Variants in CNTN5 observed in about 807,000 individuals in gnomAD.
The protein encoded by CNTN5 is contactin 5.
In CNTN5, 77 loss-of-function variants were observed where a neutral mutation model predicts 129.1. The observed-to-expected ratio is 0.60, with a 90% CI of 0.50 to 0.72. The LOEUF (loss-of-function observed/expected upper bound fraction) is 0.72. Ranked by LOEUF, CNTN5 falls within the 30% of genes least tolerant of loss-of-function variation. The probability of loss-of-function intolerance (pLI) is 0.00; values close to 1 mark genes in which losing one functional copy is unlikely to be tolerated. For synonymous variants in CNTN5, 509 were observed against 465.6 expected (o/e 1.09, Z -1.20); for missense variants, 1,478 against 1,328.8 (o/e 1.11, Z -1.75).
intron 2 of CNTN5, among the ~76,000 whole-genome samples, chr11:99,547,274 G>A (rs1948330569): frequency 6.6e-6 from 1 of 152,154 alleles, no homozygotes. Flanking sequence ...CAAGTGCTGG[G>A]ATTACAGGCG....
intron 8 of CNTN5, among the ~76,000 whole-genome samples, chr11:99,999,819 ACG>A (rs1221817505): frequency 6.6e-6 from 1 of 152,040 alleles, no homozygotes; most frequent in African/African-American, 2.4e-5. Flanking sequence ...ATGGAATACT[ACG>A]CAGCCATAAA....
At position 100,061,352 on chromosome 11, in the gene CNTN5, C is replaced by A; in HGVS notation, c.1121C>A (p.Ser374Ter). ...ATTTATGAGTGCAGAGCTGAAAACTCACGTGGAAAAAATTCCTTTCGTGGA... is the reference window on the plus strand; with the variant it reads ...ATTTATGAGTGCAGAGCTGAAAACTAACGTGGAAAAAATTCCTTTCGTGGA... Reference protein sequence around the residue: ...AGIYECRAENSRGKNSFRGQL... With the variant: ...AGIYECRAEN Residue 374 changes from serine (S) to a stop codon, truncating the protein, a stop_gained, in exon 10 of 25, where the codon TCA (serine) becomes TAA (stop). Coordinates refer to ENST00000524871, the MANE Select transcript of CNTN5 (RefSeq NM_014361.4). LOFTEE classifies it high-confidence loss of function. 1.2e-6 allele frequency: 2 copies of A among 1,600,782 alleles called. No homozygotes were observed. The highest frequency in any genetic ancestry group is 1.7e-6 in the Non-Finnish European group (2 of 1,170,276).
In CNTN5 at chr11:99,481,892, G is replaced by T. The variant is rs74930562; in HGVS notation, c.-70-74253G>T. 4.6e-3 allele frequency among the ~76,000 whole-genome samples: 700 copies of T among 152,274 alleles called. 8 individuals are homozygous for T. The highest frequency in any genetic ancestry group is 0.016 in the African/African-American group (662 of 41,558). ...GTTATATTTCTATATCTCCTTGGAG[G>T]TGATTGTTTAGGGAAGAGATGATAT... On this transcript the variant is annotated intron_variant, in intron 2 of 24. Coordinates refer to ENST00000524871, the MANE Select transcript of CNTN5 (RefSeq NM_014361.4).
Position 99,636,986 on chromosome 11 carries a change from C to G in CNTN5, c.55+80717C>G, listed in dbSNP as rs1216288483. ...GAAGATCATGCCACTGCACTCCAGC[C>G]TGGTGACAGAGCTAACTTTGTCTCA... is the stretch of plus-strand genomic sequence containing the variant. On this transcript the variant is annotated intron_variant, in intron 3 of 24. Transcript: ENST00000524871. 1.2e-4 allele frequency among the ~76,000 whole-genome samples: 5 copies of G among 40,036 alleles called. 2 individuals carry two copies. The highest frequency in any genetic ancestry group is 2.9e-4 in the Non-Finnish European group (5 of 17,000). 26.3% of individuals were successfully genotyped at this position (40,036 alleles called of 152,430 possible). A position where few individuals can be genotyped will look rare whatever the true frequency, so the allele number is the denominator to read the frequency against.
At chr11:99,557,473 C>A (rs2135541254) in intron 3 of CNTN5, among the ~76,000 whole-genome samples, 2 of 151,448 alleles carry the variant, frequency 1.3e-5, no homozygotes, top group African/African-American at 4.8e-5. Context: ...TAAACACATT[C>A]TCCTGTCAAT....
chr11:100,195,526 G>A (rs1031296558), intron 15 of CNTN5, among the ~76,000 whole-genome samples: 27 of 151,780 alleles, frequency 1.8e-4, no homozygotes, highest in African/African-American at 6.3e-4. Flanking sequence ...CTTATTCCAC[G>A]CAAACCCATA....
intron 21 of CNTN5, among the ~76,000 whole-genome samples, chr11:100,313,542 T>A (rs1951515688): frequency 6.6e-6 from 1 of 152,028 alleles, no homozygotes; most frequent in Non-Finnish European, 1.5e-5. Flanking sequence ...TTTTGATGCC[T>A]ATTAGAGGCA....
At chr11:99,972,210 G>A (rs908738917) in intron 8 of CNTN5, among the ~76,000 whole-genome samples, 1 of 151,916 alleles carries the variant, frequency 6.6e-6, no homozygotes, top group Admixed American at 6.6e-5. Context: ...GCCGTGAGCC[G>A]AGATTGCGCC....
intron 1 of CNTN5, among the ~76,000 whole-genome samples, chr11:99,075,522 A>T (rs1004592662): frequency 6.6e-6 from 1 of 152,218 alleles, no homozygotes; most frequent in Non-Finnish European, 1.5e-5. Flanking sequence ...ATTAGAAACA[A>T]CATTTCAACC....
intron 3 of CNTN5, among the ~76,000 whole-genome samples, chr11:99,658,143 CAAAAGCAAA>C (rs1260981338): frequency 6.6e-5 from 10 of 151,762 alleles, no homozygotes; most frequent in Non-Finnish European, 1.5e-4. Context: ...TGTGCAAACA[CAAAAGCAAA>C]ACAAAAAAAA....
chr11:99,838,178 T>A (rs1440465477), intron 4 of CNTN5, among the ~76,000 whole-genome samples: 1 of 152,112 alleles, frequency 6.6e-6, no homozygotes, highest in Non-Finnish European at 1.5e-5. Context: ...CAGACAATAA[T>A]CTGTTATGAC....
intron 7 of CNTN5, among the ~76,000 whole-genome samples, chr11:99,920,224 T>C (rs1267452262): frequency 6.6e-6 from 1 of 152,126 alleles, no homozygotes; most frequent in Non-Finnish European, 1.5e-5. Context: ...TCCTCACTCT[T>C]GATATTCCTC....
At chr11:99,621,745 G>C (rs150126030) in intron 3 of CNTN5, among the ~76,000 whole-genome samples, 1 of 152,238 alleles carries the variant, frequency 6.6e-6, no homozygotes, top group African/African-American at 2.4e-5. Flanking sequence ...TAGTAGGCAA[G>C]TTATCCTGAA....
rs139250842 is a variant in CNTN5 at position 99,901,609 on chromosome 11, A to G, written c.578-14445A>G. On this transcript the variant is annotated intron_variant, in intron 6 of 24. Coordinates refer to ENST00000524871, the MANE Select transcript of CNTN5 (RefSeq NM_014361.4). ...TGCCTGACCTGGTCATACATTTTCT[A>G]TTCATGAGCATAGAATGGTTTATTT... Among the ~76,000 whole-genome samples, 1,274 of 152,220 alleles carry G rather than the reference A, an allele frequency of 8.4e-3. 14 individuals carry two copies. The highest frequency in any genetic ancestry group is 0.012 in the Non-Finnish European group (841 of 68,018).
chr11:99,777,744 A>G (rs967632739), intron 3 of CNTN5, among the ~76,000 whole-genome samples: 1 of 151,824 alleles, frequency 6.6e-6, no homozygotes, highest in Admixed American at 6.6e-5. Context: ...TAATGCCAAA[A>G]CATTTCAAAT....
intron 1 of CNTN5, among the ~76,000 whole-genome samples, chr11:99,146,770 A>G (rs962244293): frequency 3.9e-5 from 6 of 152,116 alleles, no homozygotes; most frequent in Admixed American, 2.6e-4. Context: ...CACCCAGACT[A>G]GGGTGCAGTG....
rs1323878044 is a variant in CNTN5, at chr11:100,358,264, A to G, written c.*2044A>G. The G allele has an allele frequency of 1.3e-5, 2 of 151,916 alleles. No homozygotes were observed. Among genetic ancestry groups the G allele is most frequent in the African/African-American group, 4.8e-5 (2 of 41,436 alleles). 9.4% of individuals were successfully genotyped at this position (151,916 alleles called of 1,614,324 possible). ...CAACTTCTTACTTACACTCTCAGAA[A>G]GCAAAGCCCAGTAAAATATTAAACA... On this transcript the variant is annotated 3_prime_UTR_variant, in exon 25 of 25. Transcript: ENST00000524871.
At chr11:99,531,559 G>A (rs1472084356) in intron 2 of CNTN5, among the ~76,000 whole-genome samples, 1 of 152,142 alleles carries the variant, frequency 6.6e-6, no homozygotes, top group African/African-American at 2.4e-5. Flanking sequence ...TCATAGCAGC[G>A]CCTCCCATCA....
At chr11:99,836,368 T>C (rs376668501) in intron 4 of CNTN5, among the ~76,000 whole-genome samples, 3 of 146,866 alleles carry the variant, frequency 2.0e-5, no homozygotes, top group South Asian at 4.5e-4. Context: ...GTTCAATTCC[T>C]ACCTATGAGT....
Sources: gnomAD v4.1 joint callset for allele counts (sites outside exome capture counted in the v4.1 genomes callset) on GRCh38, gnomAD v4.1.1 for gene constraint, MANE v1.5 for transcripts, NCBI Gene and HGNC (gene_info 2026-07-23, HGNC 2026-07-21) for gene names.